The following FBXL17 variants were observed in gnomAD, a reference collection of about 807,000 sequenced individuals.
FBXL17 encodes the protein F-box and leucine rich repeat protein 17.
In FBXL17, 22 loss-of-function variants were observed where a neutral mutation model predicts 66.2. The ratio of observed to expected loss-of-function variants is 0.33; its 90% CI spans 0.24 to 0.47. FBXL17 has a LOEUF of 0.47. Among genes scored for constraint, FBXL17 ranks in the 20% least tolerant of loss-of-function variants. The probability of loss-of-function intolerance (pLI) is 1.00; values close to 1 mark genes in which losing one functional copy is unlikely to be tolerated. For synonymous variants in FBXL17, 474 were observed against 400.5 expected, an observed-to-expected ratio of 1.18 and a Z score of -2.19; for missense variants, 878 against 948.2, an observed-to-expected ratio of 0.93 and a Z score of 0.97.
At chr5:108,069,475 G>A (rs1315925365) in intron 6 of FBXL17, among the ~76,000 whole-genome samples, 8 of 152,182 alleles carry the variant, frequency 5.3e-5, no homozygotes, top group Non-Finnish European at 1.5e-5. Context: ...GAATAATTTT[G>A]TGTTATCTCT....
chr5:108,367,767 G>A (rs984974231), intron 2 of FBXL17, 64 bp downstream of exon 2: 3 of 1,363,896 alleles, frequency 2.2e-6, no homozygotes, highest in African/African-American at 3.0e-5. Flanking sequence ...AAAGATTTCT[G>A]AAGAGGAATA....
intron 4 of FBXL17, among the ~76,000 whole-genome samples, chr5:108,340,121 T>C (rs1365610468): frequency 2.0e-5 from 3 of 149,608 alleles, no homozygotes; most frequent in Non-Finnish European, 4.4e-5. Context: ...TGCCAAGCTA[T>C]GTGATTAAAA....
chr5:108,027,045 C>T (rs1259268179), intron 6 of FBXL17, among the ~76,000 whole-genome samples: 1 of 152,124 alleles, frequency 6.6e-6, no homozygotes, highest in Non-Finnish European at 1.5e-5. Context: ...CATTGGAGAA[C>T]AGGATTTAGC....
intron 7 of FBXL17, among the ~76,000 whole-genome samples, chr5:107,969,216 G>T (rs746954655): frequency 6.6e-6 from 1 of 152,058 alleles, no homozygotes; most frequent in African/African-American, 2.4e-5. Context: ...CGTGGTCTAG[G>T]TCATTGAAAG....
At chr5:108,139,556 G>A (rs189258463) in intron 6 of FBXL17, among the ~76,000 whole-genome samples, 14 of 152,084 alleles carry the variant, frequency 9.2e-5, no homozygotes, top group Non-Finnish European at 1.3e-4. Context: ...CATTCTGCTC[G>A]TCAGCTCCCT....
chr5:108,187,363 A>G (rs1383601548), intron 5 of FBXL17, among the ~76,000 whole-genome samples: 1 of 152,204 alleles, frequency 6.6e-6, no homozygotes, highest in African/African-American at 2.4e-5. Flanking sequence ...CTATGCTCTA[A>G]TATGTTACCT....
At chr5:107,879,028 AC>A (rs1748698903) in intron 8 of FBXL17, 1 of 985,338 alleles carries the variant, frequency 1.0e-6, no homozygotes. Context: ...TTAATTTTGG[AC>A]TAATTTGCAT....
chr5:108,040,559 G>A (rs1434821323), intron 6 of FBXL17, among the ~76,000 whole-genome samples: 1 of 152,138 alleles, frequency 6.6e-6, no homozygotes. Context: ...TTAATAAGAC[G>A]ATATATATTT....
chr5:108,165,690 AT>A (rs1752390138), intron 6 of FBXL17, among the ~76,000 whole-genome samples: 1 of 152,186 alleles, frequency 6.6e-6, no homozygotes, highest in African/African-American at 2.4e-5. Flanking sequence ...AAATAGCAAA[AT>A]ATAGGTGTTA....
At chr5:108,036,307 A>G (rs1339676617) in intron 6 of FBXL17, among the ~76,000 whole-genome samples, 1 of 152,128 alleles carries the variant, frequency 6.6e-6, no homozygotes, top group Non-Finnish European at 1.5e-5. Context: ...CCTTTCATAC[A>G]CTTAGATTCC....
chr5:108,093,175 A>G (rs1749248457), intron 6 of FBXL17, among the ~76,000 whole-genome samples: 1 of 152,126 alleles, frequency 6.6e-6, no homozygotes, highest in Non-Finnish European at 1.5e-5. Context: ...ATTAATTAAC[A>G]TAAAAGCTGG....
chr5:107,929,401 T>G (rs1468279657), intron 7 of FBXL17, among the ~76,000 whole-genome samples: 2 of 152,206 alleles, frequency 1.3e-5, no homozygotes, highest in African/African-American at 4.8e-5. Context: ...GCTCTAAAAT[T>G]ACCTTTACTA....
intron 7 of FBXL17, among the ~76,000 whole-genome samples, chr5:108,014,495 C>T (rs1045549501): frequency 3.3e-5 from 5 of 152,152 alleles, no homozygotes; most frequent in East Asian, 3.9e-4. Flanking sequence ...CTTGGATGAA[C>T]GTTTTAAGAA....
intron 4 of FBXL17, among the ~76,000 whole-genome samples, chr5:108,300,184 A>G (rs971738916): frequency 1.3e-5 from 2 of 151,986 alleles, no homozygotes; most frequent in Non-Finnish European, 2.9e-5. Context: ...AATAATTTTC[A>G]AAAGTTTTAC....
At chr5:108,224,768 T>G (rs370375629) in intron 4 of FBXL17, among the ~76,000 whole-genome samples, 32 of 145,902 alleles carry the variant, frequency 2.2e-4, no homozygotes, top group Non-Finnish European at 2.4e-4. Context: ...GTTTTTTTGG[T>G]TTTTTTTGTT....
intron 4 of FBXL17, among the ~76,000 whole-genome samples, chr5:108,240,612 T>C (rs948271041): frequency 1.3e-5 from 2 of 152,130 alleles, no homozygotes; most frequent in Admixed American, 1.3e-4. Flanking sequence ...TCTCTGGATG[T>C]GCCCAGGACC....
chr5:108,198,110 A>G (rs1753750745), intron 5 of FBXL17, among the ~76,000 whole-genome samples: 1 of 152,134 alleles, frequency 6.6e-6, no homozygotes, highest in Non-Finnish European at 1.5e-5. Context: ...ATGTGGAGAA[A>G]CACCATGAGG....
intron 5 of FBXL17, among the ~76,000 whole-genome samples, chr5:108,204,461 C>A (rs566025388): frequency 1.1e-3 from 173 of 152,246 alleles, no homozygotes; most frequent in Non-Finnish European, 2.0e-3. Context: ...ACTAGGATTA[C>A]AGGCATGAGC....
chr5:108,230,420 G>A (rs1201568133), intron 4 of FBXL17, among the ~76,000 whole-genome samples: 4 of 152,186 alleles, frequency 2.6e-5, no homozygotes, highest in African/African-American at 9.7e-5. Context: ...GGCATTCACA[G>A]CAACCTGGAT....
Sources: gnomAD v4.1 joint callset for allele counts (sites outside exome capture counted in the v4.1 genomes callset) on GRCh38, gnomAD v4.1.1 for gene constraint, MANE v1.5 for transcripts, NCBI Gene and HGNC (gene_info 2026-07-23, HGNC 2026-07-21) for gene names.